The following TRIM29 variants were observed in gnomAD, a reference collection of about 807,000 sequenced individuals.
TRIM29 encodes the protein tripartite motif-containing protein 29.
A neutral mutation model predicts 57.3 loss-of-function variants in TRIM29; 52 were observed. That is an observed-to-expected ratio of 0.91 (90% CI 0.73 to 1.14). The LOEUF (loss-of-function observed/expected upper bound fraction) is 1.14. Ranked by LOEUF, TRIM29 falls within the 50% of genes most tolerant of loss-of-function variation. The pLI is 0.00. For missense variants in TRIM29, 753 were observed against 774.6 expected (o/e 0.97, Z 0.33); for synonymous variants, 319 against 316.9 (o/e 1.01, Z -0.07).
chr11:120,128,827 G>T lies in TRIM29; in HGVS notation c.805-332C>A, dbSNP rs1009955849. On this transcript the variant is annotated intron_variant, in intron 1 of 8. Coordinates refer to ENST00000341846, the MANE Select transcript of TRIM29 (RefSeq NM_012101.4). ...AGGGAAACTCATTTACAGGGTGCTT[G>T]CCCTTTTCAGTGGACCTGGGGACAA... 1.8e-5 allele frequency: 27 copies of T among 1,519,050 alleles called. No homozygotes were observed. The African/African-American group carries it at 3.2e-4, about 18-fold the overall frequency. 94.1% of individuals were successfully genotyped at this position (1,519,050 alleles called of 1,614,324 possible). A position where few individuals can be genotyped will look rare whatever the true frequency, so the allele number is the denominator to read the frequency against.
chr11:120,130,579 A>T (rs2135023789), intron 1 of TRIM29, among the ~76,000 whole-genome samples: 1 of 152,342 alleles, frequency 6.6e-6, no homozygotes, highest in Non-Finnish European at 1.5e-5. Context: ...TCTGTGCCTC[A>T]GTAGCCCTGT....
intron 7 of TRIM29, chr11:120,116,198 C>G (rs1863265006): frequency 6.6e-6 from 1 of 152,320 alleles, no homozygotes; most frequent in African/African-American, 2.4e-5. Flanking sequence ...CAGGTGCGCT[C>G]TCTGAGCTTG....
At chr11:120,132,166 C>T (rs1247214735) in intron 1 of TRIM29, among the ~76,000 whole-genome samples, 1 of 151,622 alleles carries the variant, frequency 6.6e-6, no homozygotes. Flanking sequence ...CTCCCATGCT[C>T]CCTTCACCTT....
At chr11:120,123,995 A>C (rs1591324352) in intron 4 of TRIM29, 1 of 158,392 alleles carries the variant, frequency 6.3e-6, no homozygotes, top group Non-Finnish European at 1.4e-5. Flanking sequence ...GTGGATGGTC[A>C]CTCCACTGTC....
At chr11:120,129,555 T>C (rs504236) in intron 1 of TRIM29, among the ~76,000 whole-genome samples, 134,387 of 152,246 alleles carry the variant, frequency 0.88, 59,420 homozygotes, top group African/African-American at 0.92. Context: ...AAGGTGAGGA[T>C]GCCACAAACC....
chr11:120,128,553 AG>A, intron 1 of TRIM29, 58 bp from the exon 2 acceptor site: 2 of 1,564,910 alleles, frequency 1.3e-6, no homozygotes, highest in South Asian at 2.3e-5. Flanking sequence ...AGAGAACCAG[AG>A]AACCAGGGAG....
intron 5 of TRIM29, chr11:120,120,967 C>T: frequency 2.2e-6 from 1 of 445,212 alleles, no homozygotes; most frequent in Non-Finnish European, 4.2e-6. Context: ...CTGGAAGTGG[C>T]CTAATGAGCC....
chr11:120,135,597 T>C (rs952316868), intron 1 of TRIM29, among the ~76,000 whole-genome samples: 8 of 152,106 alleles, frequency 5.3e-5, no homozygotes, highest in Non-Finnish European at 1.2e-4. Context: ...CCCATCTATA[T>C]CTCTCAGTAT....
intron 1 of TRIM29, among the ~76,000 whole-genome samples, chr11:120,129,819 C>T (rs1049061758): frequency 2.9e-4 from 44 of 152,252 alleles, no homozygotes; most frequent in African/African-American, 9.9e-4. Flanking sequence ...CTGGCCTCCC[C>T]GCCCCCACCA....
Position 120,137,373 on chromosome 11 carries a change from A to G in TRIM29, c.659T>C (p.Phe220Ser). 1 of 1,613,540 alleles carries G rather than the reference A, an allele frequency of 6.2e-7. No individual in the cohort carries two copies. Among genetic ancestry groups the G allele is most frequent in the Non-Finnish European group, 8.5e-7 (1 of 1,179,968 alleles). Residue 220 changes from phenylalanine to serine, a missense_variant, in exon 1 of 9, where the codon TTT (phenylalanine) becomes TCT (serine). Physicochemically the swap from Phe to Ser is radical, Grantham distance 155 (BLOSUM62 -2). Coordinates refer to ENST00000341846, the MANE Select transcript of TRIM29 (RefSeq NM_012101.4). The surrounding 1 kb of genome is among the most constrained non-coding windows in gnomAD (Gnocchi z 6.2). Reference protein sequence around the residue: ...DHQLLEPIRDFEARKCPVHGK... With the variant: ...DHQLLEPIRDSEARKCPVHGK... Reference sequence around the variant, plus strand: ...ATGCACGGGACACTTGCGGGCCTCAAAGTCCCGGATGGGCTCGAGCAGCTG... The same window carrying G: ...ATGCACGGGACACTTGCGGGCCTCAGAGTCCCGGATGGGCTCGAGCAGCTG...
chr11:120,114,219 GC>G (rs1863210316), intron 8 of TRIM29, among the ~76,000 whole-genome samples: 1 of 152,296 alleles, frequency 6.6e-6, no homozygotes, highest in African/African-American at 2.4e-5. Flanking sequence ...TCTCTTCAGG[GC>G]CCCAGGCTCT....
chr11:120,128,757 T>A (rs1016686822), intron 1 of TRIM29: 49 of 1,535,034 alleles, frequency 3.2e-5, no homozygotes, highest in Non-Finnish European at 4.1e-5. Context: ...CATGTCTTTT[T>A]AAGGGCTAAA....
At chr11:120,114,645 T>C (rs1379358654) in intron 8 of TRIM29, among the ~76,000 whole-genome samples, 3 of 152,190 alleles carry the variant, frequency 2.0e-5, no homozygotes, top group African/African-American at 4.8e-5. Flanking sequence ...CCCCGATCAC[T>C]GAGGTCTCAG....
At position 120,137,979 on chromosome 11, in the gene TRIM29, T is replaced by A; in HGVS notation, c.53A>T (p.Asp18Val). The change falls in exon 1 of 9, where the codon GAT becomes GTT. Residue 18 changes from aspartate (D) to valine (V), a missense_variant. By Grantham distance (152) the Asp-to-Val change is radical. Transcript: ENST00000341846. The surrounding 1 kb of genome is among the most constrained non-coding windows in gnomAD (Gnocchi z 6.2). The stretch of plus-strand genomic sequence containing the variant: ...ACTGGGGCCCGACGGGCTCCGGGCA[T>A]CCCTGGCTTCTGGGCTCGACCCGTT... ...RSNGSSPEARDARSPSGPSGS... is the reference protein window; with the variant it reads ...RSNGSSPEARVARSPSGPSGS... 1.2e-6 allele frequency: 2 copies of A among 1,604,740 alleles called. No individual in the cohort carries two copies. Among genetic ancestry groups the A allele is most frequent in the South Asian group, 2.2e-5 (2 of 91,052 alleles).
chr11:120,133,653 C>T (rs908346075), intron 1 of TRIM29, among the ~76,000 whole-genome samples: 34 of 152,278 alleles, frequency 2.2e-4, no homozygotes, highest in Admixed American at 2.6e-4. Flanking sequence ...CCTGGCTCCC[C>T]TTCCCGAATC....
intron 1 of TRIM29, chr11:120,128,730 G>T (rs771382919): frequency 6.5e-7 from 1 of 1,535,602 alleles, no homozygotes; most frequent in South Asian, 1.2e-5. Flanking sequence ...CAGGCCACTA[G>T]GGCTGGATAT....
chr11:120,114,449 C>T (rs935646420), intron 8 of TRIM29, among the ~76,000 whole-genome samples: 1 of 152,216 alleles, frequency 6.6e-6, no homozygotes, highest in African/African-American at 2.4e-5. Flanking sequence ...CAGGGCAAAT[C>T]ACCTCTCCTG....
chr11:120,118,264 T>A lies in TRIM29; in HGVS notation c.1586A>T (p.Asp529Val), dbSNP rs1388377070. The change falls in exon 7 of 9, where the codon GAC becomes GTC. Residue 529 changes from aspartate to valine, a missense_variant. By Grantham distance (152) the Asp-to-Val change is radical (BLOSUM62 -3). Coordinates refer to ENST00000341846, the MANE Select transcript of TRIM29 (RefSeq NM_012101.4). ...GGAGCTGCCTTGGACGACGGGCAGG[T>A]CATTGTCAGAGTTCTGAATGCTGGA... Reference protein sequence around the residue: ...YSSSIQNSDNDLPVVQGSSSF... With the variant: ...YSSSIQNSDNVLPVVQGSSSF... 2 of 1,613,910 alleles carry A rather than the reference T, an allele frequency of 1.2e-6. No individual in the cohort carries two copies. The highest frequency in any genetic ancestry group is 2.2e-5 in the East Asian group (1 of 44,858).
rs1054572944 is a variant in TRIM29, at chr11:120,137,466, AC to A, written c.565del (p.Val189CysfsTer70). On this transcript the variant is annotated frameshift_variant, in exon 1 of 9. Coordinates refer to ENST00000341846, the MANE Select transcript of TRIM29 (RefSeq NM_012101.4). LOFTEE classifies it high-confidence loss of function. This position sits in a 1 kb window ranked among gnomAD's most constrained non-coding sequence, Gnocchi z 6.2. ...CAGCTCGCAGAAGGAGGCCTGGCAC[AC>A]CAGGCAGGACTTGACCGCCTTCTGC... Reference protein sequence around the residue: ...NKQKAVKSCLVCQASFCELHL... With the variant: ...NKQKAVKSCLXCQASFCELHL... 8 of 1,604,032 alleles carry A rather than the reference AC, an allele frequency of 5.0e-6. No individual in the cohort carries two copies. The highest frequency in any genetic ancestry group is 6.8e-6 in the Non-Finnish European group (8 of 1,179,892).
Sources: gnomAD v4.1 joint callset for allele counts (sites outside exome capture counted in the v4.1 genomes callset) on GRCh38, gnomAD v4.1.1 for gene constraint, Gnocchi (gnomAD v3.1) non-coding constraint, MANE v1.5 for transcripts, NCBI Gene and HGNC (gene_info 2026-07-23, HGNC 2026-07-21) for gene names.